Variants in PCDH9 observed in about 807,000 individuals in gnomAD.
PCDH9 encodes protocadherin 9, also known as protocadherin-9.
A neutral mutation model predicts 70.6 loss-of-function variants in PCDH9; 24 were observed. The ratio of observed to expected loss-of-function variants is 0.34; its 90% CI spans 0.25 to 0.48. PCDH9 has a LOEUF of 0.48. Among genes scored for constraint, PCDH9 ranks in the 20% least tolerant of loss-of-function variants. The pLI is 0.99. For missense variants in PCDH9, 1,281 were observed against 1,503.6 expected, an observed-to-expected ratio of 0.85 and a Z score of 2.45; for synonymous variants, 562 against 558.5, an observed-to-expected ratio of 1.01 and a Z score of -0.09.
chr13:66,686,969 A>G (rs536955861), intron 3 of PCDH9, among the ~76,000 whole-genome samples: 1 of 152,350 alleles, frequency 6.6e-6, no homozygotes, highest in East Asian at 1.9e-4. Context: ...ACTCAGAAGA[A>G]AAGCCCTGGC....
intron 2 of PCDH9, chr13:67,205,338 G>A (rs2089312387): frequency 1.3e-5 from 2 of 152,242 alleles, no homozygotes; most frequent in South Asian, 4.1e-4. Context: ...CAGTCAACAT[G>A]TTGAATACTG....
intron 2 of PCDH9, among the ~76,000 whole-genome samples, chr13:66,919,344 C>T (rs1385871218): frequency 2.6e-5 from 4 of 151,186 alleles, no homozygotes; most frequent in African/African-American, 9.7e-5. Context: ...TTACACCTTC[C>T]TTACTCAATC....
chr13:66,439,625 C>T (rs534991489), intron 4 of PCDH9, among the ~76,000 whole-genome samples: 1 of 152,236 alleles, frequency 6.6e-6, no homozygotes, highest in Middle Eastern at 3.4e-3. Flanking sequence ...TAAATGGTAG[C>T]TGCCACAGTT....
chr13:67,117,078 GA>G (rs953393939), intron 2 of PCDH9, among the ~76,000 whole-genome samples: 6 of 152,016 alleles, frequency 3.9e-5, no homozygotes, highest in African/African-American at 7.2e-5. Context: ...AAAAAAACAG[GA>G]AAAAAATGTC....
intron 2 of PCDH9, among the ~76,000 whole-genome samples, chr13:67,129,894 G>A (rs1192223400): frequency 6.6e-6 from 1 of 151,722 alleles, no homozygotes; most frequent in Non-Finnish European, 1.5e-5. Context: ...AAAAATGAGA[G>A]TAAAAAGACC....
intron 3 of PCDH9, among the ~76,000 whole-genome samples, chr13:66,638,428 A>C (rs1052660815): frequency 6.6e-6 from 1 of 152,242 alleles, no homozygotes; most frequent in African/African-American, 2.4e-5. Context: ...AACAATCTGC[A>C]GATCTGTTGC....
Position 66,932,267 on chromosome 13 carries a change from G to A in PCDH9, c.3037-28662C>T, listed in dbSNP as rs371073856. ...TAAAGTATATTCACTTAGCTTTCCC[G>A]TGTCTCAGTTTTTTCCTCCATAAAA... On this transcript the variant is annotated intron_variant, in intron 2 of 4. Transcript: ENST00000377865. Among the ~76,000 whole-genome samples the A allele has an allele frequency of 2.0e-3, 311 of 152,114 alleles. 2 individuals carry two copies. The highest frequency in any genetic ancestry group is 6.6e-3 in the African/African-American group (273 of 41,466).
intron 2 of PCDH9, among the ~76,000 whole-genome samples, chr13:66,950,267 G>A (rs889964834): frequency 4.6e-5 from 7 of 152,090 alleles, no homozygotes; most frequent in Non-Finnish European, 1.0e-4. Flanking sequence ...CAGCAACTGA[G>A]CAAAATCAGA....
At chr13:66,720,553 T>A (rs2078929370) in intron 3 of PCDH9, among the ~76,000 whole-genome samples, 2 of 152,062 alleles carry the variant, frequency 1.3e-5, no homozygotes, top group Admixed American at 1.3e-4. Context: ...CAGTAGTTTT[T>A]TATAAAAAAT....
intron 3 of PCDH9, among the ~76,000 whole-genome samples, chr13:66,878,988 C>T (rs1247293614): frequency 6.6e-6 from 1 of 151,920 alleles, no homozygotes; most frequent in Non-Finnish European, 1.5e-5. Context: ...GAATAACGTA[C>T]GATTATGATA....
At chr13:67,044,782 A>G (rs1460543263) in intron 2 of PCDH9, among the ~76,000 whole-genome samples, 3 of 152,114 alleles carry the variant, frequency 2.0e-5, no homozygotes, top group African/African-American at 7.2e-5. Flanking sequence ...AAGGGCAAAA[A>G]TGTCAGTTTG....
intron 3 of PCDH9, among the ~76,000 whole-genome samples, chr13:66,699,634 G>A (rs2078610749): frequency 6.6e-6 from 1 of 152,140 alleles, no homozygotes; most frequent in Non-Finnish European, 1.5e-5. Context: ...AGAGAGACAT[G>A]AAAGGGATTC....
At position 67,201,947 on chromosome 13, in the gene PCDH9, C is replaced by A. The variant is rs1043936605; in HGVS notation, c.3036+23458G>T. 6 of 151,912 alleles carry A rather than the reference C, an allele frequency of 3.9e-5. No homozygotes were observed. In the East Asian group the frequency reaches 1.2e-3, roughly 29 times the overall value. The allele number at this position is 151,912 out of a possible 1,614,324, so 9.4% of individuals were successfully genotyped here. ...TACATTATAGTACAACAAGTGAGAT[C>A]GTTTTCAGCCACATTCAATTATTTT... On this transcript the variant is annotated intron_variant, in intron 2 of 4. Coordinates refer to ENST00000377865, the MANE Select transcript of PCDH9 (RefSeq NM_203487.3).
At chr13:67,217,253 T>C (rs372655090) in intron 2 of PCDH9, 9 of 131,398 alleles carry the variant, frequency 6.8e-5, no homozygotes, top group East Asian at 2.4e-4. Flanking sequence ...CTTTTCTTTA[T>C]TGAGGTTTGT....
At chr13:66,738,508 C>A (rs1225336105) in intron 3 of PCDH9, among the ~76,000 whole-genome samples, 1 of 143,110 alleles carries the variant, frequency 7.0e-6, no homozygotes, top group Non-Finnish European at 1.5e-5. Context: ...CTTTGACGAG[C>A]TGAGAGAAGA....
intron 3 of PCDH9, among the ~76,000 whole-genome samples, chr13:66,792,601 A>T (rs1288747634): frequency 6.6e-6 from 1 of 152,190 alleles, no homozygotes; most frequent in Non-Finnish European, 1.5e-5. Context: ...CCCAGATGGC[A>T]GAGGTTTCAG....
At chr13:66,685,895 C>T (rs2078394425) in intron 3 of PCDH9, among the ~76,000 whole-genome samples, 1 of 152,132 alleles carries the variant, frequency 6.6e-6, no homozygotes, top group African/African-American at 2.4e-5. Flanking sequence ...ATACCAAATG[C>T]CTGTGCCTTC....
intron 4 of PCDH9, among the ~76,000 whole-genome samples, chr13:66,553,024 T>C (rs1045402606): frequency 6.6e-6 from 1 of 152,078 alleles, no homozygotes; most frequent in African/African-American, 2.4e-5. Context: ...TCACAAGAAT[T>C]GCATGAGGGT....
intron 2 of PCDH9, among the ~76,000 whole-genome samples, chr13:66,984,354 T>C (rs2083844941): frequency 6.6e-6 from 1 of 152,190 alleles, no homozygotes; most frequent in Non-Finnish European, 1.5e-5. Flanking sequence ...TTAAGATAGC[T>C]ATAGTCTACA....
Sources: gnomAD v4.1 joint callset for allele counts (sites outside exome capture counted in the v4.1 genomes callset) on GRCh38, gnomAD v4.1.1 for gene constraint, MANE v1.5 for transcripts, NCBI Gene and HGNC (gene_info 2026-07-23, HGNC 2026-07-21) for gene names.